ZC3H13: variants seen among roughly 807,000 people sequenced by gnomAD.
ZC3H13 encodes zinc finger CCCH-type containing 13.
In ZC3H13, 64 loss-of-function variants were observed where a neutral mutation model predicts 204.1. The ratio of observed to expected loss-of-function variants is 0.31; its 90% CI spans 0.26 to 0.39. ZC3H13 has a LOEUF of 0.39. ZC3H13 is among the 10% of genes least tolerant of loss of function. ZC3H13 has a pLI of 1.00. For synonymous variants in ZC3H13, 667 were observed against 693.7 expected, an observed-to-expected ratio of 0.96 and a Z score of 0.60; for missense variants, 1,833 against 2,082.7, an observed-to-expected ratio of 0.88 and a Z score of 2.33.
rs571843499 is a variant in ZC3H13, at chr13:45,969,828, C to T, written c.2716G>A (p.Glu906Lys). The T allele has an allele frequency of 1.5e-5, 25 of 1,613,904 alleles. No homozygotes were observed. The highest frequency in any genetic ancestry group is 1.2e-4 in the South Asian group (11 of 91,078). Residue 906 changes from glutamate to lysine, a missense_variant, in exon 14 of 19, where the codon GAA (glutamate) becomes AAA (lysine). Glu to Lys is a moderately conservative substitution (Grantham distance 56). Around this residue, in one of 5 missense-constraint regions of ZC3H13, gnomAD observed 1,574 missense variants for 1,757.2 expected, o/e 0.90. Coordinates refer to ENST00000679008, the MANE Select transcript of ZC3H13 (RefSeq NM_001330564.2). ...PERKESSRRY[E>K]EQELKEKVSS... ...ACTTTCTCCTTGAGTTCCTGTTCTT[C>T]GTAGCGCCTTGAACTCTCTTTCCTT...
intron 9 of ZC3H13, among the ~76,000 whole-genome samples, chr13:45,988,101 A>C (rs898034367): frequency 6.6e-6 from 1 of 152,140 alleles, no homozygotes; most frequent in South Asian, 2.1e-4. Context: ...TGATGCTTTC[A>C]AACTACGCTC....
chr13:46,013,211 C>T (rs1279573290), intron 5 of ZC3H13, among the ~76,000 whole-genome samples: 2 of 152,056 alleles, frequency 1.3e-5, no homozygotes, highest in East Asian at 1.9e-4. Context: ...GTCAAGAAAT[C>T]GAGACCATCC....
intron 5 of ZC3H13, 106 bp from the exon 6 acceptor site, chr13:46,011,660 G>T: frequency 1.2e-6 from 1 of 805,796 alleles, no homozygotes; most frequent in Non-Finnish European, 1.8e-6. Context: ...AAATAGCAGA[G>T]TCTTTCATCA....
intron 4 of ZC3H13, among the ~76,000 whole-genome samples, chr13:46,021,136 G>A (rs1007059954): frequency 2.0e-5 from 3 of 151,838 alleles, no homozygotes; most frequent in Non-Finnish European, 4.4e-5. Flanking sequence ...TCATTTAATA[G>A]TATTATAAAG....
chr13:45,969,022 A>G lies in ZC3H13; in HGVS notation c.3522T>C (p.Thr1174=), dbSNP rs1006172851. ...RVEKVETPHV[T]IEDAQHRKPM... is the part of the protein sequence containing the mutation. ...GCTTGCGATGCTGTGCATCTTCTAT[A>G]GTCACGTGAGGCGTCTCTACTTTTT... Residue 1174 remains threonine, a synonymous_variant, in exon 14 of 19, where the codon ACT becomes ACC. Coordinates refer to ENST00000679008, the MANE Select transcript of ZC3H13 (RefSeq NM_001330564.2). 11 of 1,614,058 alleles carry G rather than the reference A, an allele frequency of 6.8e-6. No homozygotes were observed. The highest frequency in any genetic ancestry group is 7.6e-6 in the Non-Finnish European group (9 of 1,180,032).
In ZC3H13 at chr13:45,985,566, T is replaced by A; in HGVS notation, c.1451A>T (p.Asp484Val). Residue 484 changes from aspartate (D) to valine (V), a missense_variant, in exon 10 of 19, where the codon GAT becomes GTT. Coordinates refer to ENST00000679008, the MANE Select transcript of ZC3H13 (RefSeq NM_001330564.2). ...GCTCTCTTTGGTATCTCTGCTATAA[T>A]CTCTCATCTCCCTTGAGTCCCGCAT... is the stretch of plus-strand genomic sequence containing the variant. ...RDMRDSREMRDYSRDTKESRD... is the reference protein window; with the variant it reads ...RDMRDSREMRVYSRDTKESRD... The A allele has an allele frequency of 6.2e-7, 1 of 1,614,106 alleles. No homozygotes were observed.
chr13:45,980,788 T>A (rs1380131098), intron 10 of ZC3H13, among the ~76,000 whole-genome samples: 1 of 152,034 alleles, frequency 6.6e-6, no homozygotes, highest in African/African-American at 2.4e-5. Context: ...AAAGGGGTAA[T>A]AAAAAGGAAT....
intron 7 of ZC3H13, among the ~76,000 whole-genome samples, chr13:46,009,237 A>G (rs2041372671): frequency 6.6e-6 from 1 of 152,158 alleles, no homozygotes; most frequent in Non-Finnish European, 1.5e-5. Flanking sequence ...GACAAGAAAG[A>G]AAAGACCAAA....
chr13:46,001,600 G>A (rs969522112), intron 8 of ZC3H13: 2 of 152,206 alleles, frequency 1.3e-5, no homozygotes, highest in Admixed American at 6.5e-5. Context: ...GGATAAGCCT[G>A]TGTAATATTC....
At chr13:45,965,527 A>C in intron 15 of ZC3H13, 95 bp from the exon 16 acceptor site, 1 of 1,168,194 alleles carries the variant, frequency 8.6e-7, no homozygotes, top group Admixed American at 2.9e-5. Flanking sequence ...CATTATAACA[A>C]TGTGAAAAAC....
chr13:45,957,353 A>T (rs1017421329), intron 18 of ZC3H13, 56 bp from the exon 19 acceptor site: 1 of 1,365,900 alleles, frequency 7.3e-7, no homozygotes. Context: ...TTAGTAGGAA[A>T]GATGGGCAGG....
At chr13:45,984,065 A>T (rs1165633853) in intron 10 of ZC3H13, among the ~76,000 whole-genome samples, 2 of 152,258 alleles carry the variant, frequency 1.3e-5, no homozygotes, top group East Asian at 3.8e-4. Flanking sequence ...TGCTGACTTT[A>T]TGGTATATTC....
intron 8 of ZC3H13, among the ~76,000 whole-genome samples, chr13:45,997,529 G>A (rs939249756): frequency 5.9e-5 from 9 of 152,118 alleles, no homozygotes; most frequent in African/African-American, 2.2e-4. Context: ...AGTGGACTTC[G>A]GGTTAGAAGC....
chr13:46,034,329 T>C (rs1268783919), intron 4 of ZC3H13, among the ~76,000 whole-genome samples: 3 of 152,162 alleles, frequency 2.0e-5, no homozygotes, highest in South Asian at 2.1e-4. Flanking sequence ...AAAACATATA[T>C]ACACATGTTG....
chr13:46,018,831 T>C (rs2042061798), intron 5 of ZC3H13, among the ~76,000 whole-genome samples: 1 of 152,172 alleles, frequency 6.6e-6, no homozygotes, highest in East Asian at 1.9e-4. Flanking sequence ...TCAAATACAT[T>C]TTAAAATGTT....
chr13:46,042,018 T>G (rs1175618757), intron 4 of ZC3H13, 146 bp downstream of exon 4: 1 of 559,046 alleles, frequency 1.8e-6, no homozygotes, highest in African/African-American at 1.9e-5. Context: ...AGGGGACTCT[T>G]TCCCTCTAAA....
At chr13:46,018,858 T>C (rs886731234) in intron 5 of ZC3H13, among the ~76,000 whole-genome samples, 7 of 152,110 alleles carry the variant, frequency 4.6e-5, no homozygotes, top group African/African-American at 1.4e-4. Context: ...GCAAAAAAAT[T>C]AAAATGAAAA....
rs762055730 is a variant in ZC3H13 at position 45,967,659 on chromosome 13, C to A, written c.4166G>T (p.Arg1389Leu). The change falls in exon 15 of 19, where the codon CGC becomes CTC. Residue 1389 changes from arginine (R) to leucine (L), a missense_variant. By Grantham distance (102) the Arg-to-Leu change is moderately radical (BLOSUM62 -2). Transcript: ENST00000679008. ...FESSQIESVK[R>L]CEAKLEGEHE... ...TTCACCTTCCAGTTTTGCTTCACAG[C>A]GTTTCACAGACTCTATTTGAGAACT... The A allele has an allele frequency of 1.6e-5, 26 of 1,614,068 alleles. No homozygotes were observed. Among genetic ancestry groups the A allele is most frequent in the East Asian group, 2.2e-5 (1 of 44,878 alleles).
At chr13:46,049,670 T>C (rs1367877676) in intron 1 of ZC3H13, among the ~76,000 whole-genome samples, 1 of 152,196 alleles carries the variant, frequency 6.6e-6, no homozygotes, top group African/African-American at 2.4e-5. Context: ...GAATTTTCAA[T>C]CCTATTTAAA....
Sources: allele counts gnomAD v4.1 joint callset (sites outside exome capture counted in the v4.1 genomes callset), GRCh38; gene constraint gnomAD v4.1.1; regional missense constraint gnomAD v4.1.1; transcripts MANE v1.5; gene names NCBI Gene and HGNC (gene_info 2026-07-23, HGNC 2026-07-21).